Variants in EYS observed in about 807,000 individuals in gnomAD.
EYS encodes the protein EGF-like photoreceptor maintenance factor.
Under a neutral mutation model 282.1 loss-of-function variants are expected in EYS, and 250 were observed. The observed-to-expected ratio is 0.89, with a 90% CI of 0.80 to 0.98. EYS has a LOEUF of 0.98. Among genes scored for constraint, EYS ranks in the 50% least tolerant of loss-of-function variants. The pLI, the probability that EYS is intolerant of heterozygous loss-of-function variation, is 0.00. For synonymous variants in EYS, 1,355 were observed against 1,282.9 expected, an observed-to-expected ratio of 1.06 and a Z score of -1.20; for missense variants, 4,016 against 3,709.0, an observed-to-expected ratio of 1.08 and a Z score of -2.15.
In EYS at chr6:64,610,404, ATTTT is replaced by A. The variant is rs10536697; in HGVS notation, c.3684+7010_3684+7013del. 4.8e-3 allele frequency among the ~76,000 whole-genome samples: 477 copies of A among 100,136 alleles called. 3 individuals carry two copies. The highest frequency in any genetic ancestry group is 0.016 in the African/African-American group (402 of 24,674). The allele number at this position is 100,136 out of a possible 152,430, so 65.7% of individuals were successfully genotyped here. A position where few individuals can be genotyped will look rare whatever the true frequency, so the allele number is the denominator to read the frequency against. On this transcript the variant is annotated intron_variant, in intron 24 of 42. Transcript: ENST00000503581. ...ACCAATAAAAACTGCTGTTGTAAGA[ATTTT>A]TTTTTTTTTTTTTTTTTTTGAGTCT...
chr6:64,863,056 T>C (rs1277453114), intron 19 of EYS, among the ~76,000 whole-genome samples: 1 of 152,170 alleles, frequency 6.6e-6, no homozygotes, highest in Non-Finnish European at 1.5e-5. Context: ...ATTTTAATCC[T>C]CTCAAATGTT....
intron 29 of EYS, among the ~76,000 whole-genome samples, chr6:64,331,376 G>A (rs1770640114): frequency 6.6e-6 from 1 of 152,098 alleles, no homozygotes; most frequent in Admixed American, 6.6e-5. Flanking sequence ...GCGTGACGAG[G>A]CTAGAGGAAA....
At chr6:64,711,334 CCT>C (rs1365578773) in intron 22 of EYS, among the ~76,000 whole-genome samples, 2 of 151,980 alleles carry the variant, frequency 1.3e-5, no homozygotes, top group East Asian at 3.9e-4. Flanking sequence ...TTTTAAACTC[CCT>C]GTTTTATACA....
At chr6:65,453,876 T>C (rs1297645217) in intron 5 of EYS, among the ~76,000 whole-genome samples, 1 of 152,040 alleles carries the variant, frequency 6.6e-6, no homozygotes, top group Non-Finnish European at 1.5e-5. Context: ...TTTTGATGGC[T>C]AGATAGTATT....
At chr6:65,595,365 T>C (rs1765370233) in intron 2 of EYS, among the ~76,000 whole-genome samples, 1 of 151,960 alleles carries the variant, frequency 6.6e-6, no homozygotes, top group South Asian at 2.1e-4. Flanking sequence ...ATATACCTAA[T>C]GTAAATGACA....
intron 29 of EYS, among the ~76,000 whole-genome samples, chr6:64,374,890 C>A (rs1582668754): frequency 6.6e-6 from 1 of 152,192 alleles, no homozygotes; most frequent in Admixed American, 6.5e-5. Context: ...TCTTTTTCAA[C>A]TGTCTTTGCT....
At chr6:65,447,388 T>TTA (rs942477034) in intron 5 of EYS, among the ~76,000 whole-genome samples, 1 of 147,234 alleles carries the variant, frequency 6.8e-6, no homozygotes, top group Non-Finnish European at 1.5e-5. Context: ...ATGTATATAA[T>TTA]TATATATATA....
intron 22 of EYS, among the ~76,000 whole-genome samples, chr6:64,634,512 T>C (rs1050351827): frequency 1.3e-5 from 2 of 150,522 alleles, no homozygotes; most frequent in African/African-American, 2.5e-5. Flanking sequence ...TGAGTGGCTA[T>C]CTTGTGCGTA....
At chr6:64,689,956 C>G (rs1770311123) in intron 22 of EYS, among the ~76,000 whole-genome samples, 1 of 152,110 alleles carries the variant, frequency 6.6e-6, no homozygotes, top group South Asian at 2.1e-4. Flanking sequence ...GCAATGGCAA[C>G]AGAAGCCAAA....
intron 5 of EYS, among the ~76,000 whole-genome samples, chr6:65,427,148 C>T (rs1388782128): frequency 1.3e-5 from 2 of 151,990 alleles, no homozygotes; most frequent in Non-Finnish European, 2.9e-5. Flanking sequence ...TCTAGTTCCA[C>T]CTTCATAAGT....
At chr6:65,099,101 C>T (rs571721386) in intron 12 of EYS, among the ~76,000 whole-genome samples, 83 of 150,446 alleles carry the variant, frequency 5.5e-4, no homozygotes, top group Admixed American at 1.1e-3. Flanking sequence ...TATATATATA[C>T]ATAAACACAC....
At chr6:65,274,491 T>C (rs948017574) in intron 12 of EYS, among the ~76,000 whole-genome samples, 3 of 152,194 alleles carry the variant, frequency 2.0e-5, no homozygotes, top group African/African-American at 4.8e-5. Context: ...TATACAGCTA[T>C]TGATCTAGCA....
intron 12 of EYS, among the ~76,000 whole-genome samples, chr6:65,098,130 G>A (rs1774792136): frequency 6.6e-6 from 1 of 150,444 alleles, no homozygotes; most frequent in Non-Finnish European, 1.5e-5. Context: ...AAAAGGAAAT[G>A]AAAAAAGATT....
intron 26 of EYS, among the ~76,000 whole-genome samples, chr6:64,570,300 T>C (rs1765684465): frequency 6.6e-6 from 1 of 152,028 alleles, no homozygotes; most frequent in Admixed American, 6.6e-5. Flanking sequence ...AAGCACTAAA[T>C]ATAGAAAGGA....
Position 65,121,993 on chromosome 6 carries a change from TC to T in EYS, c.2024-64267del, listed in dbSNP as rs1775567411. 2.0e-5 allele frequency among the ~76,000 whole-genome samples: 3 copies of T among 152,138 alleles called. No homozygotes were observed. In the South Asian group the frequency reaches 6.2e-4, roughly 31 times the overall value. On this transcript the variant is annotated intron_variant, in intron 12 of 42. Coordinates refer to ENST00000503581, the MANE Select transcript of EYS (RefSeq NM_001142800.2). ...AATTTGGAAAAAAAGTCATAAAATT[TC>T]TTATATCATGCCTTATGCCTAATAT...
At chr6:64,502,376 G>A (rs966669488) in intron 26 of EYS, among the ~76,000 whole-genome samples, 3 of 151,972 alleles carry the variant, frequency 2.0e-5, no homozygotes, top group Admixed American at 1.3e-4. Flanking sequence ...GAGTAGCTAG[G>A]ACTCCCGGCT....
At chr6:64,783,389 T>A (rs1440324998) in intron 22 of EYS, among the ~76,000 whole-genome samples, 1 of 151,628 alleles carries the variant, frequency 6.6e-6, no homozygotes, top group Non-Finnish European at 1.5e-5. Flanking sequence ...TAATTAGGTT[T>A]CAGTACTATC....
intron 31 of EYS, among the ~76,000 whole-genome samples, chr6:64,156,620 T>G (rs1032836264): frequency 6.6e-6 from 1 of 152,200 alleles, no homozygotes; most frequent in Non-Finnish European, 1.5e-5. Flanking sequence ...AAAAGTCTGA[T>G]AGTGATATGG....
At chr6:63,733,897 G>C (rs994756846) in intron 41 of EYS, among the ~76,000 whole-genome samples, 1 of 152,120 alleles carries the variant, frequency 6.6e-6, no homozygotes, top group Admixed American at 6.6e-5. Flanking sequence ...TCCAAAGGAA[G>C]ACATTATCCC....
Sources: allele counts gnomAD v4.1 joint callset (sites outside exome capture counted in the v4.1 genomes callset), GRCh38; gene constraint gnomAD v4.1.1; transcripts MANE v1.5; gene names NCBI Gene and HGNC (gene_info 2026-07-23, HGNC 2026-07-21).